TMEM108: variants seen among roughly 807,000 people sequenced by gnomAD.
TMEM108 encodes the protein transmembrane protein 108, also known as cancer/testis antigen 124.
TMEM108 carries 12 observed loss-of-function variants against 35.1 expected under a neutral mutation model. That is an observed-to-expected ratio of 0.34 (90% CI 0.22 to 0.55). TMEM108 has a LOEUF of 0.55. TMEM108 is among the 20% of genes least tolerant of loss of function. TMEM108 has a pLI of 0.89. For synonymous variants in TMEM108, 287 were observed against 308.6 expected (o/e 0.93, Z 0.73); for missense variants, 680 against 753.3 (o/e 0.90, Z 1.14).
At chr3:133,235,362 G>C (rs1323378291) in intron 3 of TMEM108, among the ~76,000 whole-genome samples, 1 of 152,088 alleles carries the variant, frequency 6.6e-6, no homozygotes, top group African/African-American at 2.4e-5. Flanking sequence ...ATACTACAAG[G>C]CTGCAGTAAC....
intron 2 of TMEM108, among the ~76,000 whole-genome samples, chr3:133,125,868 G>T (rs1027669446): frequency 6.6e-6 from 1 of 152,168 alleles, no homozygotes; most frequent in Non-Finnish European, 1.5e-5. Flanking sequence ...AGACTAAAGG[G>T]ATGTGATATT....
intron 2 of TMEM108, among the ~76,000 whole-genome samples, chr3:133,198,505 A>G (rs1229355974): frequency 6.6e-6 from 1 of 152,220 alleles, no homozygotes; most frequent in Non-Finnish European, 1.5e-5. Context: ...AGTAACTGCA[A>G]ACCACTACTC....
chr3:133,199,186 G>A (rs1256704272), intron 2 of TMEM108, among the ~76,000 whole-genome samples: 5 of 152,108 alleles, frequency 3.3e-5, no homozygotes, highest in South Asian at 2.1e-4. Context: ...TTAGCCATTC[G>A]TCTAATCTTT....
chr3:133,079,112 A>G (rs561001767), intron 2 of TMEM108, among the ~76,000 whole-genome samples: 1 of 152,326 alleles, frequency 6.6e-6, no homozygotes, highest in East Asian at 1.9e-4. Flanking sequence ...TGACTTACGA[A>G]GGGGAAGACA....
At chr3:133,157,875 C>A (rs1944902944) in intron 2 of TMEM108, among the ~76,000 whole-genome samples, 1 of 152,274 alleles carries the variant, frequency 6.6e-6, no homozygotes, top group East Asian at 1.9e-4. Context: ...TTCTGGATAA[C>A]AATTAGCTGA....
At position 133,193,613 on chromosome 3, in the gene TMEM108, C is replaced by G. The variant is rs184269493; in HGVS notation, c.-46-35653C>G. Among the ~76,000 whole-genome samples, 218 of 151,924 alleles carry G rather than the reference C, an allele frequency of 1.4e-3. 1 individual carries two copies. The highest frequency in any genetic ancestry group is 4.8e-3 in the African/African-American group (197 of 41,224). On this transcript the variant is annotated intron_variant, in intron 2 of 5. Coordinates refer to ENST00000321871, the MANE Select transcript of TMEM108 (RefSeq NM_023943.4). ...GGCCTATGTGAAGCCATCAGTGAAA[C>G]AGTCCCATCTGGCATGTTGCTGGGC... is the stretch of plus-strand genomic sequence containing the variant.
At chr3:133,259,827 A>T (rs1368137943) in intron 3 of TMEM108, among the ~76,000 whole-genome samples, 1 of 152,208 alleles carries the variant, frequency 6.6e-6, no homozygotes, top group Non-Finnish European at 1.5e-5. Flanking sequence ...TGGGTCTCTC[A>T]GGAGATCAGT....
chr3:133,315,308 G>A (rs2071183785), intron 3 of TMEM108, among the ~76,000 whole-genome samples: 1 of 151,456 alleles, frequency 6.6e-6, no homozygotes, highest in South Asian at 2.1e-4. Context: ...GCCGCTCAGA[G>A]CTTTTGAGTC....
In TMEM108 at chr3:133,380,091, C is replaced by G. The variant is rs1372004876; in HGVS notation, c.380C>G (p.Ser127Cys). ...PAPAAMATTS[S>C]KPEGRPRGQA... is the part of the protein sequence containing the mutation. Reference sequence around the variant, plus strand: ...CCAGCAGCCATGGCAACCACATCCTCCAAGCCAGAGGGCCGCCCTCGAGGG... The same window carrying G: ...CCAGCAGCCATGGCAACCACATCCTGCAAGCCAGAGGGCCGCCCTCGAGGG... Residue 127 changes from serine (S) to cysteine (C), a missense_variant, in exon 4 of 6, where the codon TCC becomes TGC. By Grantham distance (112) the Ser-to-Cys change is moderately radical. Transcript: ENST00000321871. This position sits in a 1 kb window ranked among gnomAD's most constrained non-coding sequence, Gnocchi z 5.3. 5 of 1,613,934 alleles carry G rather than the reference C, an allele frequency of 3.1e-6. No homozygotes were observed. The highest frequency in any genetic ancestry group is 1.1e-5 in the South Asian group (1 of 91,088).
intron 4 of TMEM108, chr3:133,387,237 A>G (rs2073166036): frequency 2.0e-6 from 2 of 985,444 alleles, no homozygotes; most frequent in Non-Finnish European, 1.2e-6. Context: ...TGCATCCATG[A>G]TCTCTTTAAT....
Position 133,293,329 on chromosome 3 carries a change from CCTT to C in TMEM108, c.40+63985_40+63987del, listed in dbSNP as rs553709880. On this transcript the variant is annotated intron_variant, in intron 3 of 5. Transcript: ENST00000321871. ...TTATCACACTCCTCAAGGGTAGAAACCTTCTTCTTTGTATCTGTTCCCAAGCCT... is the reference window on the plus strand; with the variant it reads ...TTATCACACTCCTCAAGGGTAGAAACCTTCTTTGTATCTGTTCCCAAGCCT... 2.0e-5 allele frequency among the ~76,000 whole-genome samples: 3 copies of C among 151,244 alleles called. No individual in the cohort carries two copies. In the South Asian group the frequency reaches 6.4e-4, roughly 32 times the overall value.
chr3:133,324,063 CA>C (rs1384437236), intron 3 of TMEM108, among the ~76,000 whole-genome samples: 1 of 152,086 alleles, frequency 6.6e-6, no homozygotes, highest in East Asian at 1.9e-4. Flanking sequence ...GACCTGAAAC[CA>C]TAAAAATTAT....
intron 3 of TMEM108, among the ~76,000 whole-genome samples, chr3:133,292,756 T>A (rs1947090672): frequency 6.6e-6 from 1 of 152,222 alleles, no homozygotes; most frequent in Non-Finnish European, 1.5e-5. Flanking sequence ...ACAACTCCCC[T>A]GCTGTAAAAT....
chr3:133,094,232 C>CA, intron 2 of TMEM108, among the ~76,000 whole-genome samples: 1 of 117,654 alleles, frequency 8.5e-6, no homozygotes, highest in South Asian at 4.2e-4. Context: ...CCCCACCCCC[C>CA]ACCCCCCCCA....
intron 2 of TMEM108, among the ~76,000 whole-genome samples, chr3:133,077,252 G>A (rs182227012): frequency 1.3e-5 from 2 of 150,882 alleles, no homozygotes; most frequent in Admixed American, 1.3e-4. Flanking sequence ...TAAAGTCTTG[G>A]GCTTTATTTT....
intron 3 of TMEM108, among the ~76,000 whole-genome samples, chr3:133,256,767 C>A (rs73217544): frequency 1.3e-5 from 2 of 152,126 alleles, no homozygotes; most frequent in African/African-American, 2.4e-5. Flanking sequence ...ATAGAGAAAT[C>A]TGGATAAGTA....
intron 2 of TMEM108, among the ~76,000 whole-genome samples, chr3:133,203,247 G>C (rs775416788): frequency 6.6e-6 from 1 of 152,164 alleles, no homozygotes; most frequent in Non-Finnish European, 1.5e-5. Context: ...AACAGAGACA[G>C]TTTGACTTCC....
At chr3:133,326,372 A>C (rs2071333543) in intron 3 of TMEM108, among the ~76,000 whole-genome samples, 1 of 152,194 alleles carries the variant, frequency 6.6e-6, no homozygotes, top group South Asian at 2.1e-4. Context: ...GTGTCACCCA[A>C]GGATCCCAGG....
At chr3:133,078,533 A>G (rs377320869) in intron 2 of TMEM108, among the ~76,000 whole-genome samples, 1 of 152,280 alleles carries the variant, frequency 6.6e-6, no homozygotes, top group East Asian at 1.9e-4. Flanking sequence ...AACAAGTTAC[A>G]AGGCTGTAAC....
Sources: gnomAD v4.1 joint callset for allele counts (sites outside exome capture counted in the v4.1 genomes callset) on GRCh38, gnomAD v4.1.1 for gene constraint, Gnocchi (gnomAD v3.1) non-coding constraint, MANE v1.5 for transcripts, NCBI Gene and HGNC (gene_info 2026-07-23, HGNC 2026-07-21) for gene names.